Variants in OPHN1 observed in about 807,000 individuals in gnomAD.
The protein encoded by OPHN1 is oligophrenin-1.
A neutral mutation model predicts 60.7 loss-of-function variants in OPHN1; 11 were observed. The ratio of observed to expected loss-of-function variants is 0.18; its 90% CI spans 0.11 to 0.30. The LOEUF (loss-of-function observed/expected upper bound fraction) is 0.30, where lower values mean the gene tolerates loss of function less well. OPHN1 is among the 10% of genes least tolerant of loss of function. OPHN1 has a pLI of 1.00. For synonymous variants in OPHN1, 226 were observed against 222.6 expected (o/e 1.02, Z -0.14); for missense variants, 449 against 611.0 (o/e 0.73, Z 2.80).
chrX:68,269,731 G>T (rs1164495097), intron 5 of OPHN1, among the ~76,000 whole-genome samples: 1 of 111,727 alleles, frequency 9.0e-6, no homozygotes, highest in Non-Finnish European at 1.9e-5. Context: ...AGCCAAAATT[G>T]ACAAATGGGA....
intron 2 of OPHN1, among the ~76,000 whole-genome samples, chrX:68,315,991 C>T (rs2078197643): frequency 9.1e-6 from 1 of 109,964 alleles, no homozygotes. Context: ...AATCTGGTCT[C>T]TAAATAAATA....
At chrX:68,100,637 A>G (rs1199488258) in intron 18 of OPHN1, among the ~76,000 whole-genome samples, 1 of 111,800 alleles carries the variant, frequency 8.9e-6, no homozygotes, top group Non-Finnish European at 1.9e-5. Context: ...ATAATAAAAA[A>G]TTCTTCAAAA....
chrX:68,239,560 C>T (rs1485048375), intron 5 of OPHN1, among the ~76,000 whole-genome samples: 1 of 111,183 alleles, frequency 9.0e-6, no homozygotes, highest in Non-Finnish European at 1.9e-5. Context: ...ATCAATATTA[C>T]TTATCACATT....
chrX:68,052,027 C>T (rs910347408), intron 23 of OPHN1, among the ~76,000 whole-genome samples: 2 of 112,275 alleles, frequency 1.8e-5, no homozygotes, highest in East Asian at 5.6e-4. Flanking sequence ...CAGTGGCTCA[C>T]GCCTGTAATC....
At chrX:68,239,506 G>C (rs887213895) in intron 5 of OPHN1, among the ~76,000 whole-genome samples, 22 of 111,431 alleles carry the variant, frequency 2.0e-4, no homozygotes, top group Non-Finnish European at 3.6e-4. Context: ...CCTAGCCAGG[G>C]ACCGGGCCTT....
At position 68,234,091 on chromosome X, in the gene OPHN1, C is replaced by CAAA. The variant is rs33932284; in HGVS notation, c.486+393_486+395dup. ...ACAGAACATTCCCCTAACCCCTCAC[C>CAAA]AAAAAAAAAAAAAAAAAAAAAGGTT... On this transcript the variant is annotated intron_variant, in intron 6 of 24. Coordinates refer to ENST00000355520, the MANE Select transcript of OPHN1 (RefSeq NM_002547.3). Among the ~76,000 whole-genome samples the CAAA allele has an allele frequency of 5.8e-3, 254 of 43,963 alleles. 2 individuals are homozygous for CAAA. Among genetic ancestry groups the CAAA allele is most frequent in the Middle Eastern group, 0.019 (1 of 52 alleles). 38.2% of individuals were successfully genotyped at this position (43,963 alleles called of 115,157 possible). A position where few individuals can be genotyped will look rare whatever the true frequency, so the allele number is the denominator to read the frequency against.
At chrX:68,263,751 G>T (rs917689733) in intron 5 of OPHN1, among the ~76,000 whole-genome samples, 5 of 111,637 alleles carry the variant, frequency 4.5e-5, no homozygotes, top group Non-Finnish European at 7.5e-5. Context: ...GTCTAGGTCA[G>T]TGTTATCCAA....
chrX:68,226,445 G>A (rs1290922551), intron 6 of OPHN1, among the ~76,000 whole-genome samples: 2 of 110,993 alleles, frequency 1.8e-5, no homozygotes, highest in South Asian at 7.7e-4. Context: ...CACCAAAGTT[G>A]AAATGAAGGA....
At chrX:68,417,920 T>C (rs1457048902) in intron 2 of OPHN1, among the ~76,000 whole-genome samples, 3 of 112,902 alleles carry the variant, frequency 2.7e-5, no homozygotes, top group African/African-American at 9.6e-5. Flanking sequence ...CAGACCTTGC[T>C]GGACTTGTTA....
intron 19 of OPHN1, among the ~76,000 whole-genome samples, chrX:68,078,770 G>A (rs981582514): frequency 1.8e-5 from 2 of 110,176 alleles, no homozygotes; most frequent in Non-Finnish European, 3.8e-5. Context: ...CGGATCCCTT[G>A]AGGCCAGGAG....
chrX:68,237,093 C>T (rs1305573100), intron 5 of OPHN1, among the ~76,000 whole-genome samples: 1 of 111,859 alleles, frequency 8.9e-6, no homozygotes, highest in Admixed American at 9.5e-5. Context: ...TCAAGAGATT[C>T]TCCTGCCTCA....
At chrX:68,076,088 T>TTA (rs1308913429) in intron 19 of OPHN1, among the ~76,000 whole-genome samples, 3 of 110,553 alleles carry the variant, frequency 2.7e-5, no homozygotes, top group African/African-American at 9.8e-5. Flanking sequence ...TATATATATA[T>TTA]TATATAAAGA....
intron 19 of OPHN1, among the ~76,000 whole-genome samples, chrX:68,076,428 T>A (rs1254426755): frequency 1.8e-5 from 2 of 108,473 alleles, no homozygotes; most frequent in Non-Finnish European, 1.9e-5. Context: ...ATGAAATAGA[T>A]CATCTGAATA....
intron 3 of OPHN1, among the ~76,000 whole-genome samples, chrX:68,298,277 A>G (rs137999655): frequency 8.9e-6 from 1 of 111,818 alleles, no homozygotes; most frequent in African/African-American, 3.3e-5. Context: ...CCACAAAAAT[A>G]CCCATAGAAA....
intron 15 of OPHN1, among the ~76,000 whole-genome samples, chrX:68,131,708 T>A (rs2077195453): frequency 8.9e-6 from 1 of 111,748 alleles, no homozygotes; most frequent in Admixed American, 9.5e-5. Context: ...AAACAGTAAG[T>A]AAAGATGTAG....
chrX:68,141,924 GA>G (rs2077244640), intron 15 of OPHN1, among the ~76,000 whole-genome samples: 1 of 53,686 alleles, frequency 1.9e-5, no homozygotes, highest in Non-Finnish European at 5.5e-5. Flanking sequence ...AAGAAAGAAA[GA>G]AAGAAAGAAA....
intron 5 of OPHN1, among the ~76,000 whole-genome samples, chrX:68,259,833 C>T (rs755361975): frequency 1.5e-4 from 17 of 111,025 alleles, no homozygotes; most frequent in Non-Finnish European, 1.7e-4. Context: ...GGAAATTCAC[C>T]TATGAGATAA....
At position 68,052,586 on chromosome X, in the gene OPHN1, C is replaced by T; in HGVS notation, c.2329G>A (p.Ala777Thr). Residue 777 changes from alanine (A) to threonine (T), a missense_variant, in exon 23 of 25, where the codon GCT (alanine) becomes ACT (threonine). Physicochemically the swap from Ala to Thr is moderately conservative, Grantham distance 58 (BLOSUM62 0). Transcript: ENST00000355520. ...NAGEITSSVVASRTRFFETAS... is the reference protein window; with the variant it reads ...NAGEITSSVVTSRTRFFETAS... ...GTTTCAAAAAACCTGGTCCTGGAAG[C>T]CACCCTGCAAACAGAAGCCAACCAA... The T allele has an allele frequency of 1.7e-6, 2 of 1,207,064 alleles. No homozygotes were observed. The highest frequency in any genetic ancestry group is 1.7e-5 in the African/African-American group (1 of 57,741).
At chrX:68,317,428 G>A (rs775112699) in intron 2 of OPHN1, among the ~76,000 whole-genome samples, 8 of 95,679 alleles carry the variant, frequency 8.4e-5, no homozygotes, top group African/African-American at 3.1e-4. Flanking sequence ...AGGAAGGAGC[G>A]AGGGGAAAAG....
Sources: allele counts gnomAD v4.1 joint callset (sites outside exome capture counted in the v4.1 genomes callset), GRCh38; gene constraint gnomAD v4.1.1; transcripts MANE v1.5; gene names NCBI Gene and HGNC (gene_info 2026-07-23, HGNC 2026-07-21).